Variants in ARID5B observed in about 807,000 individuals in gnomAD.
ARID5B encodes AT-rich interaction domain 5B, also known as AT-rich interactive domain-containing protein 5B.
Under a neutral mutation model 97.2 loss-of-function variants are expected in ARID5B, and 13 were observed. That is an observed-to-expected ratio of 0.13 (90% CI 0.09 to 0.21). The LOEUF is 0.21. Among genes scored for constraint, ARID5B ranks in the 10% least tolerant of loss-of-function variants. The probability of loss-of-function intolerance (pLI) is 1.00; values close to 1 mark genes in which losing one functional copy is unlikely to be tolerated. For synonymous variants in ARID5B, 556 were observed against 570.3 expected, an observed-to-expected ratio of 0.97 and a Z score of 0.36; for missense variants, 1,210 against 1,465.3, an observed-to-expected ratio of 0.83 and a Z score of 2.84.
chr10:61,912,615 A>G (rs1260537487), intron 2 of ARID5B, among the ~76,000 whole-genome samples: 1 of 151,554 alleles, frequency 6.6e-6, no homozygotes, highest in East Asian at 1.9e-4. Context: ...GGAGAAAATA[A>G]AAGTATATAT....
At chr10:61,939,887 G>C (rs1844369016) in intron 2 of ARID5B, among the ~76,000 whole-genome samples, 1 of 152,220 alleles carries the variant, frequency 6.6e-6, no homozygotes, top group Admixed American at 6.5e-5. Flanking sequence ...GCTAGGTAGA[G>C]TGTGAACTTG....
At chr10:61,932,876 G>A (rs1250444779) in intron 2 of ARID5B, among the ~76,000 whole-genome samples, 1 of 152,166 alleles carries the variant, frequency 6.6e-6, no homozygotes, top group Non-Finnish European at 1.5e-5. Flanking sequence ...AAAGAGGATT[G>A]CTTGAGGCTA....
At chr10:61,944,544 A>C (rs1349441262) in intron 3 of ARID5B, among the ~76,000 whole-genome samples, 1 of 152,218 alleles carries the variant, frequency 6.6e-6, no homozygotes, top group Non-Finnish European at 1.5e-5. Context: ...TTTATGTAAC[A>C]CTGATTCTTA....
At chr10:61,937,873 G>A (rs1844333537) in intron 2 of ARID5B, among the ~76,000 whole-genome samples, 1 of 152,112 alleles carries the variant, frequency 6.6e-6, no homozygotes, top group Admixed American at 6.5e-5. Flanking sequence ...GTTTTCTTGT[G>A]GTGGGAGGGG....
intron 3 of ARID5B, among the ~76,000 whole-genome samples, chr10:61,986,966 G>A (rs1482686715): frequency 6.6e-6 from 1 of 152,214 alleles, no homozygotes; most frequent in African/African-American, 2.4e-5. Flanking sequence ...AGACTATAGA[G>A]ATGGGGTTAG....
intron 4 of ARID5B, among the ~76,000 whole-genome samples, chr10:62,009,262 A>AGAG (rs1839186403): frequency 6.6e-6 from 1 of 152,166 alleles, no homozygotes; most frequent in African/African-American, 2.4e-5. Flanking sequence ...TCCAGGTGCC[A>AGAG]TCTTGGAGGA....
At chr10:61,972,908 G>A (rs1403462982) in intron 3 of ARID5B, among the ~76,000 whole-genome samples, 1 of 152,224 alleles carries the variant, frequency 6.6e-6, no homozygotes, top group Non-Finnish European at 1.5e-5. Flanking sequence ...TACAGCCAGT[G>A]TGAAATGAAC....
chr10:61,974,691 A>G (rs1009352952), intron 3 of ARID5B, among the ~76,000 whole-genome samples: 2 of 152,170 alleles, frequency 1.3e-5, no homozygotes, highest in Admixed American at 6.5e-5. Context: ...CACACTGGAA[A>G]TTTACATGCG....
intron 2 of ARID5B, among the ~76,000 whole-genome samples, chr10:61,912,014 C>A (rs138619449): frequency 1.9e-3 from 288 of 152,130 alleles, no homozygotes; most frequent in South Asian, 0.011. Flanking sequence ...AGTTATTGAA[C>A]AATGAGAGAG....
Position 62,091,317 on chromosome 10 carries a change from C to T in ARID5B, c.1854C>T (p.Ala618=). ...QNETEDDKLP[A]MADYIANCTV... is the part of the protein sequence containing the mutation. ...AGACGGAGGATGACAAACTGCCCGCCATGGCAGATTACATTGCCAACTGCA... is the reference window on the plus strand; with the variant it reads ...AGACGGAGGATGACAAACTGCCCGCTATGGCAGATTACATTGCCAACTGCA... The change falls in exon 10 of 10, where the codon GCC becomes GCT. Residue 618 remains alanine (A), a synonymous_variant. Transcript: ENST00000279873. The T allele has an allele frequency of 6.2e-7, 1 of 1,614,212 alleles. No homozygotes were observed. Among genetic ancestry groups the T allele is most frequent in the Non-Finnish European group, 8.5e-7 (1 of 1,180,038 alleles).
chr10:62,009,622 AG>A (rs1314673607), intron 4 of ARID5B, among the ~76,000 whole-genome samples: 1 of 152,200 alleles, frequency 6.6e-6, no homozygotes, highest in Non-Finnish European at 1.5e-5. Context: ...ACTGACCCCA[AG>A]GGGCATGCTT....
chr10:61,947,788 A>G (rs1325855526), intron 3 of ARID5B, among the ~76,000 whole-genome samples: 1 of 152,210 alleles, frequency 6.6e-6, no homozygotes, highest in Non-Finnish European at 1.5e-5. Flanking sequence ...CTGCTAGAAA[A>G]GAGGTCTTTG....
chr10:62,093,245 T>C lies in ARID5B; in HGVS notation c.*215T>C, dbSNP rs2132989078. ...GACTGGCTGGTGAGTCTTGACTCCCTTCCAACACAGATGCCCAGGCACCTC... is the reference window on the plus strand; with the variant it reads ...GACTGGCTGGTGAGTCTTGACTCCCCTCCAACACAGATGCCCAGGCACCTC... On this transcript the variant is annotated 3_prime_UTR_variant, in exon 10 of 10. Coordinates refer to ENST00000279873, the MANE Select transcript of ARID5B (RefSeq NM_032199.3). 2 of 588,422 alleles carry C rather than the reference T, an allele frequency of 3.4e-6. No individual in the cohort carries two copies. The highest frequency in any genetic ancestry group is 5.5e-6 in the Non-Finnish European group (2 of 361,628). The allele number at this position is 588,422 out of a possible 1,614,324, so 36.5% of individuals were successfully genotyped here.
chr10:62,075,879 T>C (rs1024845778), intron 8 of ARID5B, among the ~76,000 whole-genome samples: 2 of 152,088 alleles, frequency 1.3e-5, no homozygotes, highest in African/African-American at 4.8e-5. Context: ...TTGGATAGGA[T>C]AGATTTGCCA....
At chr10:61,984,695 G>A (rs919896011) in intron 3 of ARID5B, among the ~76,000 whole-genome samples, 2 of 152,184 alleles carry the variant, frequency 1.3e-5, no homozygotes, top group African/African-American at 4.8e-5. Context: ...GCGCAGCCTC[G>A]CTGCCTTCAG....
At position 61,953,824 on chromosome 10, in the gene ARID5B, C is replaced by A. The variant is rs906421445; in HGVS notation, c.502+13416C>A. Among the ~76,000 whole-genome samples the A allele has an allele frequency of 3.9e-5, 6 of 152,178 alleles. No homozygotes were observed. In the East Asian group the frequency reaches 1.2e-3, roughly 29 times the overall value. On this transcript the variant is annotated intron_variant, in intron 3 of 9. Coordinates refer to ENST00000279873, the MANE Select transcript of ARID5B (RefSeq NM_032199.3). ...ACACACAGTGGGAGCACTTGGTCAA[C>A]AATATTAGTTTCCTTTCCCCTTTCC...
intron 4 of ARID5B, 69 bp from the exon 5 acceptor site, chr10:62,050,819 T>G: frequency 1.5e-6 from 2 of 1,315,366 alleles, no homozygotes; most frequent in Admixed American, 3.5e-5. Flanking sequence ...TGTAGTGAGA[T>G]TCTGGGTCTT....
intron 3 of ARID5B, among the ~76,000 whole-genome samples, chr10:61,968,216 A>G (rs1838574839): frequency 6.8e-6 from 1 of 147,124 alleles, no homozygotes; most frequent in South Asian, 2.2e-4. Context: ...ACACACACAA[A>G]CACAGTTTCA....
At chr10:62,024,071 C>T (rs748951431) in intron 4 of ARID5B, among the ~76,000 whole-genome samples, 2 of 152,144 alleles carry the variant, frequency 1.3e-5, no homozygotes, top group African/African-American at 2.4e-5. Flanking sequence ...GCACAGAGTG[C>T]CTTATTCATC....
Sources: allele counts gnomAD v4.1 joint callset (sites outside exome capture counted in the v4.1 genomes callset), GRCh38; gene constraint gnomAD v4.1.1; transcripts MANE v1.5; gene names NCBI Gene and HGNC (gene_info 2026-07-23, HGNC 2026-07-21).